Variants in CLDN10 observed in about 807,000 individuals in gnomAD.
CLDN10 encodes claudin-10.
Under a neutral mutation model 22.9 loss-of-function variants are expected in CLDN10, and 15 were observed. The observed-to-expected ratio is 0.65, with a 90% CI of 0.44 to 1.01. The LOEUF (loss-of-function observed/expected upper bound fraction) is 1.01, where lower values mean the gene tolerates loss of function less well. Among genes scored for constraint, CLDN10 ranks in the 50% least tolerant of loss-of-function variants. The pLI, the probability that CLDN10 is intolerant of heterozygous loss-of-function variation, is 0.00. For synonymous variants in CLDN10, 114 were observed against 111.4 expected, an observed-to-expected ratio of 1.02 and a Z score of -0.15; for missense variants, 247 against 287.8, an observed-to-expected ratio of 0.86 and a Z score of 1.03.
intron 1 of CLDN10, among the ~76,000 whole-genome samples, chr13:95,554,359 G>A (rs1281157796): frequency 2.0e-5 from 3 of 152,208 alleles, no homozygotes; most frequent in Admixed American, 1.3e-4. Flanking sequence ...TAGTGTGCCA[G>A]ATAGGTACGC....
At chr13:95,449,621 C>T (rs1397343568) in intron 1 of CLDN10, among the ~76,000 whole-genome samples, 1 of 152,058 alleles carries the variant, frequency 6.6e-6, no homozygotes, top group African/African-American at 2.4e-5. Flanking sequence ...GGCTGGCGTG[C>T]AGTGGTGTGA....
intron 1 of CLDN10, among the ~76,000 whole-genome samples, chr13:95,496,641 T>C (rs188734438): frequency 3.3e-5 from 5 of 152,194 alleles, no homozygotes; most frequent in Non-Finnish European, 7.3e-5. Flanking sequence ...GGCTGCCATC[T>C]CACTGTGTGC....
At chr13:95,435,565 G>C (rs546333008) in intron 1 of CLDN10, among the ~76,000 whole-genome samples, 109 of 152,232 alleles carry the variant, frequency 7.2e-4, no homozygotes, top group African/African-American at 2.5e-3. Context: ...AGGACTCCAT[G>C]CTATGTCTCT....
intron 1 of CLDN10, among the ~76,000 whole-genome samples, chr13:95,510,672 C>A (rs2043086990): frequency 6.6e-6 from 1 of 151,812 alleles, no homozygotes; most frequent in South Asian, 2.1e-4. Context: ...AATATGTATA[C>A]ATAATTATAT....
intron 1 of CLDN10, among the ~76,000 whole-genome samples, chr13:95,447,127 G>A (rs2042388504): frequency 1.3e-5 from 2 of 152,202 alleles, no homozygotes; most frequent in South Asian, 4.1e-4. Flanking sequence ...CTACTGGGAG[G>A]CTGATTTTCT....
chr13:95,479,393 A>G (rs1261890747), intron 1 of CLDN10: 1 of 152,204 alleles, frequency 6.6e-6, no homozygotes, highest in African/African-American at 2.4e-5. Flanking sequence ...TGTAGCAAGA[A>G]TGGGTTTTAC....
chr13:95,508,878 G>A (rs2043066994), intron 1 of CLDN10, among the ~76,000 whole-genome samples: 1 of 152,234 alleles, frequency 6.6e-6, no homozygotes, highest in African/African-American at 2.4e-5. Flanking sequence ...AACTAGATGA[G>A]CGTTGTTTCA....
chr13:95,532,440 A>G (rs919337828), intron 1 of CLDN10, among the ~76,000 whole-genome samples: 1 of 152,220 alleles, frequency 6.6e-6, no homozygotes, highest in Admixed American at 6.5e-5. Context: ...TAAAATCACA[A>G]TAAGATATCA....
intron 1 of CLDN10, among the ~76,000 whole-genome samples, chr13:95,500,792 C>A (rs1265994162): frequency 6.6e-6 from 1 of 152,012 alleles, no homozygotes; most frequent in Non-Finnish European, 1.5e-5. Flanking sequence ...CCACCAGAAA[C>A]CATTAAAAGT....
chr13:95,534,629 A>T (rs2043380973), intron 1 of CLDN10, among the ~76,000 whole-genome samples: 1 of 152,206 alleles, frequency 6.6e-6, no homozygotes, highest in South Asian at 2.1e-4. Context: ...AGTTATAATA[A>T]CTACTACTAG....
At chr13:95,449,442 G>A (rs2042411988) in intron 1 of CLDN10, among the ~76,000 whole-genome samples, 1 of 151,886 alleles carries the variant, frequency 6.6e-6, no homozygotes, top group African/African-American at 2.4e-5. Flanking sequence ...GTAGAGATGG[G>A]GTTTCACCAT....
intron 1 of CLDN10, among the ~76,000 whole-genome samples, chr13:95,555,046 A>AGTTT (rs2043615972): frequency 1.6e-5 from 1 of 64,026 alleles, no homozygotes; most frequent in African/African-American, 5.3e-5. Flanking sequence ...GTGTTAATCC[A>AGTTT]GTTTTTTTTT....
chr13:95,466,334 G>T (rs532908720), intron 1 of CLDN10, among the ~76,000 whole-genome samples: 1 of 152,012 alleles, frequency 6.6e-6, no homozygotes, highest in Admixed American at 6.6e-5. Flanking sequence ...AAAATGGATT[G>T]AGAAGTGTTT....
chr13:95,572,787 C>T (rs2043879305), intron 3 of CLDN10, among the ~76,000 whole-genome samples: 1 of 152,154 alleles, frequency 6.6e-6, no homozygotes, highest in South Asian at 2.1e-4. Context: ...CTTATCTGCC[C>T]TGAACACCTG....
chr13:95,481,290 T>A (rs931048563), intron 1 of CLDN10, among the ~76,000 whole-genome samples: 1 of 152,172 alleles, frequency 6.6e-6, no homozygotes, highest in Non-Finnish European at 1.5e-5. Context: ...GGACCTTGCC[T>A]GCACTGAGGG....
intron 1 of CLDN10, among the ~76,000 whole-genome samples, chr13:95,463,865 C>T (rs918691921): frequency 6.6e-6 from 1 of 152,044 alleles, no homozygotes. Flanking sequence ...GCTATCATTT[C>T]TTTGTGCCAT....
intron 1 of CLDN10, among the ~76,000 whole-genome samples, chr13:95,507,040 A>T (rs2043045485): frequency 6.6e-6 from 1 of 152,230 alleles, no homozygotes; most frequent in Admixed American, 6.5e-5. Context: ...ACAAAGTCTC[A>T]ACATAGTGTT....
rs368814063 is a variant in CLDN10, at chr13:95,533,487, A to C, written c.215-26645A>C. On this transcript the variant is annotated intron_variant, in intron 1 of 4. Coordinates refer to the CLDN10 transcript ENST00000376873. ...ATACATTTCACAGAATTGTTTTCCA[A>C]TGGGACTATTTGATAATAAATAACT... Among the ~76,000 whole-genome samples, 15 of 152,328 alleles carry C rather than the reference A, an allele frequency of 9.8e-5. No homozygotes were observed. In the South Asian group the frequency reaches 3.1e-3, roughly 32 times the overall value.
Position 95,517,401 on chromosome 13 carries a change from C to A in CLDN10, c.215-42731C>A, listed in dbSNP as rs182732735. On this transcript the variant is annotated intron_variant, in intron 1 of 4. Transcript: ENST00000376873. ...GGGATCCGGTGGTGGGAGAAGGGTG[C>A]AATCCAGGAAGGAAAGTTGATGTTT... Among the ~76,000 whole-genome samples the A allele has an allele frequency of 3.9e-5, 6 of 152,224 alleles. No homozygotes were observed. The East Asian group carries it at 5.8e-4, about 15-fold the overall frequency.
Sources: gnomAD v4.1 joint callset for allele counts (sites outside exome capture counted in the v4.1 genomes callset) on GRCh38, gnomAD v4.1.1 for gene constraint, MANE v1.5 for transcripts, NCBI Gene and HGNC (gene_info 2026-07-23, HGNC 2026-07-21) for gene names.